The following PTPRK variants were observed in gnomAD, a reference collection of about 807,000 sequenced individuals.
The protein encoded by PTPRK is protein tyrosine phosphatase receptor type K.
In PTPRK, 75 loss-of-function variants were observed where a neutral mutation model predicts 178.0. The ratio of observed to expected loss-of-function variants is 0.42; its 90% CI spans 0.35 to 0.51. PTPRK has a LOEUF of 0.51. Among genes scored for constraint, PTPRK ranks in the 20% least tolerant of loss-of-function variants. The probability of loss-of-function intolerance (pLI) is 0.02; values close to 1 mark genes in which losing one functional copy is unlikely to be tolerated. For missense variants in PTPRK, 1,441 were observed against 1,797.8 expected, an observed-to-expected ratio of 0.80 and a Z score of 3.59; for synonymous variants, 637 against 620.6, an observed-to-expected ratio of 1.03 and a Z score of -0.39.
intron 11 of PTPRK, among the ~76,000 whole-genome samples, chr6:128,078,134 C>T (rs187041581): frequency 7.2e-5 from 11 of 151,900 alleles, no homozygotes; most frequent in East Asian, 1.9e-4. Flanking sequence ...CAAGAGAGGA[C>T]GTGAAATGAA....
At chr6:128,301,829 G>T (rs1219025101) in intron 3 of PTPRK, among the ~76,000 whole-genome samples, 3 of 152,144 alleles carry the variant, frequency 2.0e-5, no homozygotes, top group Admixed American at 6.5e-5. Context: ...AAGCTGGAAG[G>T]CTATATTACT....
At chr6:127,977,889 CAAT>C (rs1013898763) in intron 25 of PTPRK, among the ~76,000 whole-genome samples, 5 of 151,944 alleles carry the variant, frequency 3.3e-5, no homozygotes, top group African/African-American at 1.2e-4. Context: ...TAATTATTTG[CAAT>C]AATAATAATA....
At chr6:128,064,496 C>G (rs1781412330) in intron 13 of PTPRK, among the ~76,000 whole-genome samples, 1 of 152,158 alleles carries the variant, frequency 6.6e-6, no homozygotes, top group African/African-American at 2.4e-5. Context: ...ATCAGCAGCA[C>G]AAGATTTTTC....
intron 3 of PTPRK, among the ~76,000 whole-genome samples, chr6:128,282,252 TAA>T (rs1821795126): frequency 1.3e-5 from 2 of 152,286 alleles, no homozygotes; most frequent in South Asian, 4.1e-4. Context: ...TGCAAAAGCA[TAA>T]AATACCTGAC....
chr6:128,249,364 C>T (rs1816069482), intron 3 of PTPRK, among the ~76,000 whole-genome samples: 1 of 147,372 alleles, frequency 6.8e-6, no homozygotes. Flanking sequence ...GAATAAAAGT[C>T]AGTAAAGAGT....
chr6:128,123,569 G>A (rs1792826529), intron 7 of PTPRK, among the ~76,000 whole-genome samples: 1 of 151,978 alleles, frequency 6.6e-6, no homozygotes, highest in South Asian at 2.1e-4. Flanking sequence ...CATTAACATG[G>A]TATGTTTGTC....
rs1404508353 is a variant in PTPRK at position 128,058,910 on chromosome 6, T to C, written c.2194+5848A>G. ...GTCTTCCATATAGATATGGAAAAACTGTCATTTATTGAAAAGGGTACCTTT... is the reference window on the plus strand; with the variant it reads ...GTCTTCCATATAGATATGGAAAAACCGTCATTTATTGAAAAGGGTACCTTT... On this transcript the variant is annotated intron_variant, in intron 13 of 29. Coordinates refer to ENST00000368226, the MANE Select transcript of PTPRK (RefSeq NM_002844.4). Among the ~76,000 whole-genome samples the C allele has an allele frequency of 2.0e-5, 3 of 151,978 alleles. No homozygotes were observed. In the East Asian group the frequency reaches 5.8e-4, roughly 29 times the overall value.
At chr6:128,451,494 G>A (rs1173220146) in intron 1 of PTPRK, among the ~76,000 whole-genome samples, 1 of 152,004 alleles carries the variant, frequency 6.6e-6, no homozygotes, top group Non-Finnish European at 1.5e-5. Flanking sequence ...TGTGTGGGGT[G>A]AGTTTTTTTA....
intron 2 of PTPRK, among the ~76,000 whole-genome samples, chr6:128,378,429 G>A (rs1406520476): frequency 3.9e-5 from 6 of 151,944 alleles, no homozygotes; most frequent in Admixed American, 2.6e-4. Flanking sequence ...AGACTTAGAG[G>A]TAACAAAAAA....
At chr6:128,490,898 TCTCTTC>T (rs1584948242) in intron 1 of PTPRK, among the ~76,000 whole-genome samples, 1 of 152,066 alleles carries the variant, frequency 6.6e-6, no homozygotes, top group African/African-American at 2.4e-5. Flanking sequence ...ATTCTTGGAG[TCTCTTC>T]CTCTTTTTAT....
chr6:128,460,844 G>A lies in PTPRK; in HGVS notation c.100+59415C>T, dbSNP rs974690701. Among the ~76,000 whole-genome samples, 6 of 152,280 alleles carry A rather than the reference G, an allele frequency of 3.9e-5. 1 individual carries two copies. The highest frequency in any genetic ancestry group is 3.3e-4 in the Admixed American group (5 of 15,288). ...CTTAGTTAAGGTCAAGCTGATCAAA[G>A]TTGATATTAGTTTTACATTGGTTTA... On this transcript the variant is annotated intron_variant, in intron 1 of 29. Coordinates refer to ENST00000368226, the MANE Select transcript of PTPRK (RefSeq NM_002844.4).
chr6:128,511,227 G>A (rs906588354), intron 1 of PTPRK, among the ~76,000 whole-genome samples: 1 of 151,974 alleles, frequency 6.6e-6, no homozygotes, highest in Non-Finnish European at 1.5e-5. Flanking sequence ...TCTCTTCCAC[G>A]CTTTCCCACT....
intron 21 of PTPRK, among the ~76,000 whole-genome samples, chr6:127,987,321 T>C (rs1776093746): frequency 6.6e-6 from 1 of 151,996 alleles, no homozygotes; most frequent in African/African-American, 2.4e-5. Context: ...ATTAAATCCA[T>C]ACAGTGATAT....
intron 14 of PTPRK, among the ~76,000 whole-genome samples, chr6:128,006,480 T>C (rs1778427494): frequency 6.6e-6 from 1 of 150,988 alleles, no homozygotes; most frequent in Admixed American, 6.6e-5. Flanking sequence ...ATCTATTATG[T>C]TAATATATCA....
At chr6:128,375,449 C>T (rs138003107) in intron 2 of PTPRK, among the ~76,000 whole-genome samples, 252 of 151,842 alleles carry the variant, frequency 1.7e-3, no homozygotes, top group African/African-American at 3.5e-3. Context: ...TTCATTATCA[C>T]GAGAATAGCA....
chr6:128,331,607 T>A (rs958663971), intron 2 of PTPRK, among the ~76,000 whole-genome samples: 2 of 152,218 alleles, frequency 1.3e-5, no homozygotes, highest in Non-Finnish European at 2.9e-5. Flanking sequence ...AGTCTAGTTT[T>A]AATTCTTCGA....
rs147488294 is a variant in PTPRK, at chr6:128,231,833, A to T, written c.693+8202T>A. On this transcript the variant is annotated intron_variant, in intron 5 of 29. Transcript: ENST00000368226. ...GACTGTCTTTTAAAAATAAACTCTGAGAAAATGTACAAAGCTGTCTATATT... is the reference window on the plus strand; with the variant it reads ...GACTGTCTTTTAAAAATAAACTCTGTGAAAATGTACAAAGCTGTCTATATT... Among the ~76,000 whole-genome samples, 6 of 152,346 alleles carry T rather than the reference A, an allele frequency of 3.9e-5. No individual in the cohort carries two copies. The East Asian group carries it at 1.2e-3, about 29-fold the overall frequency.
At chr6:128,094,956 A>T (rs1428827744) in intron 7 of PTPRK, among the ~76,000 whole-genome samples, 2 of 152,134 alleles carry the variant, frequency 1.3e-5, no homozygotes, top group Non-Finnish European at 2.9e-5. Context: ...AGAAACAGAG[A>T]TGAGCATGTG....
At chr6:128,321,742 C>T (rs1369433915) in intron 3 of PTPRK, 3 of 684,884 alleles carry the variant, frequency 4.4e-6, no homozygotes, top group Non-Finnish European at 7.9e-6. Flanking sequence ...AAACCACCAA[C>T]AAATTTTGGA....
Sources: allele counts gnomAD v4.1 joint callset (sites outside exome capture counted in the v4.1 genomes callset), GRCh38; gene constraint gnomAD v4.1.1; transcripts MANE v1.5; gene names NCBI Gene and HGNC (gene_info 2026-07-23, HGNC 2026-07-21).